MTUS1: variants seen among roughly 807,000 people sequenced by gnomAD.
The protein encoded by MTUS1 is microtubule-associated tumor suppressor 1.
Under a neutral mutation model 120.8 loss-of-function variants are expected in MTUS1, and 109 were observed. That is an observed-to-expected ratio of 0.90 (90% confidence interval 0.77 to 1.06). The LOEUF (loss-of-function observed/expected upper bound fraction) is 1.06. Ranked by LOEUF, MTUS1 falls within the 50% of genes least tolerant of loss-of-function variation. The pLI is 0.00. For synonymous variants in MTUS1, 737 were observed against 550.5 expected (o/e 1.34, Z -4.74); for missense variants, 2,210 against 1,486.3 (o/e 1.49, Z -8.01).
At chr8:17,655,750 G>T in intron 9 of MTUS1, 113 bp downstream of exon 9, 1 of 902,216 alleles carries the variant, frequency 1.1e-6, no homozygotes. Context: ...ACAACAACAT[G>T]CTTTTTATAC....
intron 1 of MTUS1, among the ~76,000 whole-genome samples, chr8:17,763,166 G>T (rs1586247390): frequency 6.6e-6 from 1 of 151,882 alleles, no homozygotes; most frequent in African/African-American, 2.4e-5. Flanking sequence ...AATTTTTTGT[G>T]TTTTTAGTAG....
At chr8:17,731,049 T>C (rs1404419652) in intron 3 of MTUS1, among the ~76,000 whole-genome samples, 1 of 152,094 alleles carries the variant, frequency 6.6e-6, no homozygotes, top group Non-Finnish European at 1.5e-5. Context: ...TATTATAAAA[T>C]AATAAAAGTC....
intron 6 of MTUS1, among the ~76,000 whole-genome samples, chr8:17,685,378 C>T (rs1815557003): frequency 6.6e-6 from 1 of 151,030 alleles, no homozygotes; most frequent in African/African-American, 2.4e-5. Flanking sequence ...GAATATCAAA[C>T]AGAATTGGAA....
chr8:17,674,618 C>T (rs1014756964), intron 8 of MTUS1: 6 of 986,268 alleles, frequency 6.1e-6, no homozygotes, highest in Non-Finnish European at 6.0e-6. Flanking sequence ...GACATGTAAA[C>T]TGCAGGGCTG....
intron 6 of MTUS1, chr8:17,705,978 A>AC (rs1820079582): frequency 6.6e-6 from 1 of 152,012 alleles, no homozygotes; most frequent in South Asian, 2.1e-4. Context: ...GTAAGCCAAG[A>AC]TTTTTTTTAG....
At chr8:17,733,147 A>T (rs1259098820) in intron 3 of MTUS1, among the ~76,000 whole-genome samples, 1 of 152,100 alleles carries the variant, frequency 6.6e-6, no homozygotes, top group Admixed American at 6.6e-5. Context: ...GGTCAGGAGC[A>T]CAAGACCAGC....
chr8:17,790,533 T>C (rs904277578), intron 1 of MTUS1, among the ~76,000 whole-genome samples: 1 of 152,090 alleles, frequency 6.6e-6, no homozygotes, highest in Admixed American at 6.5e-5. Flanking sequence ...GTAAGTGGAA[T>C]TCATGATTGT....
intron 12 of MTUS1, among the ~76,000 whole-genome samples, chr8:17,652,333 G>C (rs1228219753): frequency 6.6e-6 from 1 of 152,132 alleles, no homozygotes; most frequent in Non-Finnish European, 1.5e-5. Flanking sequence ...TACTAACATA[G>C]GCTACACCAC....
rs188227226 is a variant in MTUS1, at chr8:17,662,074, A to G, written c.2906-6009T>C. 7.1e-3 allele frequency among the ~76,000 whole-genome samples: 1,087 copies of G among 152,200 alleles called. 3 individuals are homozygous for G. Among genetic ancestry groups the G allele is most frequent in the Non-Finnish European group, 0.011 (766 of 68,014 alleles). ...GTGTGTGTGGCGGTGGGGGGCGTGC[A>G]TAACCCCGATTTTAGGCCATGGACT... On this transcript the variant is annotated intron_variant, in intron 8 of 14. Coordinates refer to ENST00000693296, the MANE Select transcript of MTUS1 (RefSeq NM_001363059.2).
intron 3 of MTUS1, among the ~76,000 whole-genome samples, chr8:17,735,003 T>G (rs1480130563): frequency 6.6e-6 from 1 of 152,084 alleles, no homozygotes; most frequent in Non-Finnish European, 1.5e-5. Context: ...AGACTCAAAT[T>G]TGGGCTCAAG....
intron 1 of MTUS1, among the ~76,000 whole-genome samples, chr8:17,769,061 G>A (rs941777388): frequency 1.3e-5 from 2 of 151,944 alleles, no homozygotes; most frequent in African/African-American, 4.8e-5. Context: ...CCTCTGCTTG[G>A]GGGTGGAGGA....
chr8:17,775,950 C>T lies in MTUS1; in HGVS notation c.-154-19989G>A, dbSNP rs185781698. ...GGGCCGCCAAGCCATTCAGCATCAG[C>T]GCCGGTCCCATCTGCAGGCAAAGAA... On this transcript the variant is annotated intron_variant, in intron 1 of 14. Transcript: ENST00000693296. Among the ~76,000 whole-genome samples, 314 of 152,316 alleles carry T rather than the reference C, an allele frequency of 2.1e-3. 1 individual carries two copies. The highest frequency in any genetic ancestry group is 7.3e-3 in the African/African-American group (305 of 41,576).
At chr8:17,655,834 A>C in intron 9 of MTUS1, 29 bp downstream of exon 9, 1 of 1,607,670 alleles carries the variant, frequency 6.2e-7, no homozygotes, top group East Asian at 2.2e-5. Flanking sequence ...CAGAGGCCTC[A>C]GACAAGCTCT....
intron 1 of MTUS1, among the ~76,000 whole-genome samples, chr8:17,791,647 G>C (rs1213479941): frequency 6.6e-6 from 1 of 152,148 alleles, no homozygotes; most frequent in Non-Finnish European, 1.5e-5. Context: ...AGAAAAACAA[G>C]AGGTGACAAA....
chr8:17,725,449 C>T (rs536472041), intron 3 of MTUS1, among the ~76,000 whole-genome samples: 5 of 152,306 alleles, frequency 3.3e-5, no homozygotes, highest in Admixed American at 2.6e-4. Flanking sequence ...CGATTAACCT[C>T]GCTTTCTCTC....
chr8:17,793,545 T>G (rs116573036), intron 1 of MTUS1, among the ~76,000 whole-genome samples: 2,012 of 152,260 alleles, frequency 0.013, 40 homozygotes, highest in African/African-American at 0.046. Context: ...AGACCACATC[T>G]GGGAGAAATA....
chr8:17,689,971 G>A (rs1816631020), intron 6 of MTUS1, among the ~76,000 whole-genome samples: 3 of 152,088 alleles, frequency 2.0e-5, no homozygotes, highest in African/African-American at 7.2e-5. Flanking sequence ...GCCGACGCAA[G>A]GAATTCATGA....
intron 2 of MTUS1, among the ~76,000 whole-genome samples, chr8:17,746,396 G>A (rs1407397788): frequency 1.3e-5 from 2 of 152,142 alleles, no homozygotes; most frequent in Non-Finnish European, 2.9e-5. Flanking sequence ...TCACACCTGA[G>A]ACTGGGTAAT....
chr8:17,694,408 G>A (rs888097692), intron 6 of MTUS1, among the ~76,000 whole-genome samples: 1 of 152,302 alleles, frequency 6.6e-6, no homozygotes, highest in Non-Finnish European at 1.5e-5. Flanking sequence ...GCTCATGTCT[G>A]TAATCCCAGC....
Sources: gnomAD v4.1 joint callset for allele counts (sites outside exome capture counted in the v4.1 genomes callset) on GRCh38, gnomAD v4.1.1 for gene constraint, MANE v1.5 for transcripts, NCBI Gene and HGNC (gene_info 2026-07-23, HGNC 2026-07-21) for gene names.